Variants in SPDYA observed in about 807,000 individuals in gnomAD.
The protein encoded by SPDYA is speedy/RINGO cell cycle regulator family member A.
A neutral mutation model predicts 36.7 loss-of-function variants in SPDYA; 11 were observed. That is an observed-to-expected ratio of 0.30 (90% CI 0.19 to 0.50). SPDYA has a LOEUF of 0.50. Among genes scored for constraint, SPDYA ranks in the 20% least tolerant of loss-of-function variants. The pLI, the probability that SPDYA is intolerant of heterozygous loss-of-function variation, is 0.98. For missense variants in SPDYA, 287 were observed against 370.9 expected (o/e 0.77, Z 1.86); for synonymous variants, 115 against 118.7 (o/e 0.97, Z 0.20).
At chr2:28,830,478 C>G (rs1558327264) in intron 6 of SPDYA, among the ~76,000 whole-genome samples, 1 of 152,084 alleles carries the variant, frequency 6.6e-6, no homozygotes, top group Non-Finnish European at 1.5e-5. Context: ...GCTGGGAGTA[C>G]AGGCGTGAGC....
chr2:28,838,325 A>G (rs949948552), intron 6 of SPDYA, among the ~76,000 whole-genome samples: 1 of 151,680 alleles, frequency 6.6e-6, no homozygotes, highest in Admixed American at 6.6e-5. Flanking sequence ...GGGATTATAG[A>G]CATGCGCCAC....
chr2:28,848,031 T>C (rs191584971), intron 7 of SPDYA, among the ~76,000 whole-genome samples: 121 of 152,324 alleles, frequency 7.9e-4, no homozygotes, highest in African/African-American at 2.6e-3. Context: ...AAGTACACTA[T>C]GTAATGTTCA....
intron 1 of SPDYA, among the ~76,000 whole-genome samples, chr2:28,813,726 A>G (rs1667912574): frequency 6.6e-6 from 1 of 151,738 alleles, no homozygotes; most frequent in South Asian, 2.1e-4. Context: ...TAATTTTTGT[A>G]TTTTTAGTAG....
chr2:28,824,578 T>C (rs1195361257), intron 5 of SPDYA, among the ~76,000 whole-genome samples: 1 of 150,936 alleles, frequency 6.6e-6, no homozygotes, highest in Non-Finnish European at 1.5e-5. Context: ...ACAGAGTCTC[T>C]CTCTGTTGCC....
chr2:28,830,364 T>C (rs1043712668), intron 6 of SPDYA, among the ~76,000 whole-genome samples: 1 of 151,816 alleles, frequency 6.6e-6, no homozygotes, highest in African/African-American at 2.4e-5. Context: ...CCACCATGCC[T>C]GGCTAATGTT....
At position 28,850,378 on chromosome 2, in the gene SPDYA, C is replaced by A; in HGVS notation, c.*437C>A. 6.2e-7 allele frequency: 1 copy of A among 1,608,546 alleles called. No individual in the cohort carries two copies. Among genetic ancestry groups the A allele is most frequent in the Non-Finnish European group, 8.5e-7 (1 of 1,177,428 alleles). The stretch of plus-strand genomic sequence containing the variant: ...TGGTCTAGCAACATAGGGAAATGAT[C>A]CATATGGAAAATCAGAATGCGATTC... On this transcript the variant is annotated 3_prime_UTR_variant, in exon 8 of 8. Transcript: ENST00000334056.
chr2:28,849,687 G>T, intron 7 of SPDYA, 163 bp from the exon 8 acceptor site: 1 of 523,372 alleles, frequency 1.9e-6, no homozygotes, highest in Non-Finnish European at 3.4e-6. Context: ...TACATCTTTT[G>T]TTACAATTTT....
chr2:28,825,498 G>A (rs374283936), intron 5 of SPDYA, among the ~76,000 whole-genome samples: 13 of 151,934 alleles, frequency 8.6e-5, no homozygotes, highest in South Asian at 2.1e-4. Context: ...AGTTCTCCTC[G>A]TTAAATATTT....
intron 5 of SPDYA, among the ~76,000 whole-genome samples, chr2:28,822,914 T>C (rs1043315785): frequency 1.3e-5 from 2 of 152,228 alleles, no homozygotes; most frequent in African/African-American, 2.4e-5. Flanking sequence ...CCAAGATTTC[T>C]TGGAGTATTC....
At chr2:28,820,344 G>A (rs928852530) in intron 4 of SPDYA, among the ~76,000 whole-genome samples, 2 of 152,074 alleles carry the variant, frequency 1.3e-5, no homozygotes, top group Admixed American at 1.3e-4. Context: ...CCTAGCGCTT[G>A]GGATGCTGAG....
At position 28,850,070 on chromosome 2, in the gene SPDYA, TTATATG is replaced by T; in HGVS notation, c.*134_*139del. 8.6e-7 allele frequency: 1 copy of T among 1,165,028 alleles called. No individual in the cohort carries two copies. Among genetic ancestry groups the T allele is most frequent in the Non-Finnish European group, 1.2e-6 (1 of 809,512 alleles). 72.2% of individuals were successfully genotyped at this position (1,165,028 alleles called of 1,614,324 possible). On this transcript the variant is annotated 3_prime_UTR_variant, in exon 8 of 8. Coordinates refer to ENST00000334056, the MANE Select transcript of SPDYA (RefSeq NM_182756.4). ...CATCTTTTAGTTGTTATTTTCAAAA[TTATATG>T]TATAAGTTATATAAGTCATAGTAAT...
intron 6 of SPDYA, among the ~76,000 whole-genome samples, chr2:28,833,206 C>G (rs1668517963): frequency 1.3e-5 from 2 of 152,080 alleles, no homozygotes; most frequent in Non-Finnish European, 1.5e-5. Flanking sequence ...CTTCTCTACT[C>G]AAAAGCCTCC....
intron 6 of SPDYA, among the ~76,000 whole-genome samples, chr2:28,834,898 C>T (rs1668557337): frequency 6.6e-6 from 1 of 152,176 alleles, no homozygotes. Flanking sequence ...AGTAGTTCCT[C>T]CCACTATTAC....
At chr2:28,824,800 C>T (rs1258479946) in intron 5 of SPDYA, among the ~76,000 whole-genome samples, 2 of 152,034 alleles carry the variant, frequency 1.3e-5, no homozygotes, top group East Asian at 1.9e-4. Flanking sequence ...ACACCTGCTT[C>T]GGCCTCCCAA....
At chr2:28,843,889 C>T (rs766333638) in intron 7 of SPDYA, among the ~76,000 whole-genome samples, 18 of 152,074 alleles carry the variant, frequency 1.2e-4, no homozygotes, top group Non-Finnish European at 2.2e-4. Context: ...AGCTTTATGA[C>T]GCCTGGGCTG....
chr2:28,823,702 AATATATATATATATATATATAT>A lies in SPDYA; in HGVS notation c.380+1314_380+1335del, dbSNP rs1160889916. On this transcript the variant is annotated intron_variant, in intron 5 of 7. Coordinates refer to ENST00000334056, the MANE Select transcript of SPDYA (RefSeq NM_182756.4). The stretch of plus-strand genomic sequence containing the variant: ...ATAATGCTGTAGTTGGGAATGCATG[AATATATATATATATATATATAT>A]ATATATATATATATATATATAAAAT... Among the ~76,000 whole-genome samples, 32 of 49,224 alleles carry A rather than the reference AATATATATATATATATATATAT, an allele frequency of 6.5e-4. 1 individual carries two copies. The highest frequency in any genetic ancestry group is 8.6e-4 in the African/African-American group (12 of 13,964). The allele number at this position is 49,224 out of a possible 152,430, so 32.3% of individuals were successfully genotyped here.
At chr2:28,839,234 A>G (rs1008900379) in intron 6 of SPDYA, among the ~76,000 whole-genome samples, 7 of 152,166 alleles carry the variant, frequency 4.6e-5, no homozygotes, top group Non-Finnish European at 8.8e-5. Context: ...GTAAGAAACC[A>G]AGTGTACCCG....
rs139620957 is a variant in SPDYA, at chr2:28,832,989, G to T, written c.552+3670G>T. Among the ~76,000 whole-genome samples, 479 of 152,070 alleles carry T rather than the reference G, an allele frequency of 3.1e-3. 5 individuals are homozygous for T. The highest frequency in any genetic ancestry group is 0.011 in the African/African-American group (462 of 41,494). On this transcript the variant is annotated intron_variant, in intron 6 of 7. Transcript: ENST00000334056. ...CAAGTAGCTGGGACTACAGGCATGT[G>T]CCACCATGCCCAGCTAATTTATTTT...
At chr2:28,815,948 A>G (rs1340952780) in intron 2 of SPDYA, 49 bp from the exon 3 acceptor site, 1 of 1,220,220 alleles carries the variant, frequency 8.2e-7, no homozygotes, top group Non-Finnish European at 1.2e-6. Flanking sequence ...AGTTGTTTAT[A>G]TATGAAATGA....
Sources: gnomAD v4.1 joint callset for allele counts (sites outside exome capture counted in the v4.1 genomes callset) on GRCh38, gnomAD v4.1.1 for gene constraint, MANE v1.5 for transcripts, NCBI Gene and HGNC (gene_info 2026-07-23, HGNC 2026-07-21) for gene names.